The following PUDP variants were observed in gnomAD, a reference collection of about 807,000 sequenced individuals.
PUDP encodes the protein pseudouridine 5'-phosphatase.
In PUDP, 8 loss-of-function variants were observed where a neutral mutation model predicts 9.4. That is an observed-to-expected ratio of 0.85 (90% CI 0.50 to 1.53). PUDP has a LOEUF of 1.53. Ranked by LOEUF, PUDP falls within the 40% of genes most tolerant of loss-of-function variation. PUDP has a pLI of 0.00. For missense variants in PUDP, 188 were observed against 189.7 expected, an observed-to-expected ratio of 0.99 and a Z score of 0.05; for synonymous variants, 99 against 80.7, an observed-to-expected ratio of 1.23 and a Z score of -1.22.
intron 1 of PUDP, among the ~76,000 whole-genome samples, chrX:6,984,734 C>T (rs918849919): frequency 2.7e-5 from 3 of 111,647 alleles, no homozygotes; most frequent in Non-Finnish European, 5.6e-5. Flanking sequence ...CAGGAGAATA[C>T]TGCCTCCGAA....
intron 1 of PUDP, among the ~76,000 whole-genome samples, chrX:6,720,965 G>A (rs1924667290): frequency 9.0e-6 from 1 of 111,400 alleles, no homozygotes; most frequent in Admixed American, 9.6e-5. Context: ...TCACAAGAAC[G>A]AACTGTTTAG....
At chrX:7,019,503 G>A (rs992882884) in intron 1 of PUDP, among the ~76,000 whole-genome samples, 1 of 111,643 alleles carries the variant, frequency 9.0e-6, no homozygotes, top group Non-Finnish European at 1.9e-5. Flanking sequence ...ATCCTCCCTC[G>A]TCTTACTGTA....
chrX:6,776,135 C>G (rs1279581091), intron 3 of PUDP, among the ~76,000 whole-genome samples: 1 of 111,586 alleles, frequency 9.0e-6, no homozygotes, highest in East Asian at 2.8e-4. Flanking sequence ...CAGCACTATC[C>G]TGCAACCAAG....
At chrX:6,923,852 A>G (rs1928060570) in intron 3 of PUDP, among the ~76,000 whole-genome samples, 1 of 111,529 alleles carries the variant, frequency 9.0e-6, no homozygotes, top group Non-Finnish European at 1.9e-5. Flanking sequence ...TCTCAAGGTC[A>G]TGCACCATCT....
intron 3 of PUDP, among the ~76,000 whole-genome samples, chrX:6,915,587 C>A (rs1374887084): frequency 1.8e-5 from 2 of 111,855 alleles, no homozygotes; most frequent in African/African-American, 6.5e-5. Flanking sequence ...TGATTATATG[C>A]CATGTCCCAC....
At chrX:6,752,241 G>C (rs1473142381) in intron 3 of PUDP, among the ~76,000 whole-genome samples, 2 of 111,543 alleles carry the variant, frequency 1.8e-5, no homozygotes, top group African/African-American at 3.3e-5. Context: ...TCTTGGTCTT[G>C]ATCCATTTAA....
chrX:6,964,497 A>G (rs141958165), intron 3 of PUDP, among the ~76,000 whole-genome samples: 1,948 of 110,215 alleles, frequency 0.018, 43 homozygotes, highest in African/African-American at 0.062. Context: ...ACATAGTGAG[A>G]CTCTGTCTCT....
chrX:7,053,704 T>A (rs771770258), intron 3 of PUDP, among the ~76,000 whole-genome samples: 1 of 111,602 alleles, frequency 9.0e-6, no homozygotes, highest in East Asian at 2.8e-4. Context: ...ATCAGCAGTG[T>A]GAAAATGGAC....
rs184776183 is a variant in PUDP at position 6,728,951 on chromosome X, A to T, written c.*248-22485T>A. ...TATGACCATGATGGTTCTGAGAAGAACTGCTTAGGTATTTTTTAGAATGCC... is the reference window on the plus strand; with the variant it reads ...TATGACCATGATGGTTCTGAGAAGATCTGCTTAGGTATTTTTTAGAATGCC... On this transcript the variant is annotated intron_variant and NMD_transcript_variant, in intron 3 of 3. Transcript: ENST00000655425. Among the ~76,000 whole-genome samples the T allele has an allele frequency of 6.3e-5, 7 of 111,089 alleles. No individual in the cohort carries two copies. The East Asian group carries it at 2.0e-3, about 31-fold the overall frequency.
At chrX:7,066,152 A>G (rs1393926380) in intron 3 of PUDP, among the ~76,000 whole-genome samples, 1 of 111,930 alleles carries the variant, frequency 8.9e-6, no homozygotes, top group Non-Finnish European at 1.9e-5. Flanking sequence ...CTTGCTATCA[A>G]AAAGACTCAG....
chrX:7,042,164 T>G (rs1929931588), intron 1 of PUDP, among the ~76,000 whole-genome samples: 1 of 109,609 alleles, frequency 9.1e-6, no homozygotes, highest in Non-Finnish European at 1.9e-5. Context: ...AAGATGTATA[T>G]CTTCCTCAAG....
intron 1 of PUDP, among the ~76,000 whole-genome samples, chrX:7,043,881 T>TA (rs1466900818): frequency 2.7e-5 from 3 of 111,837 alleles, no homozygotes; most frequent in Non-Finnish European, 5.6e-5. Context: ...TGAGAGGCCT[T>TA]AAAAAATCTA....
At chrX:7,004,057 G>C (rs1283448402) in intron 1 of PUDP, among the ~76,000 whole-genome samples, 1 of 110,300 alleles carries the variant, frequency 9.1e-6, no homozygotes, top group African/African-American at 3.3e-5. Flanking sequence ...TGTATTTTTT[G>C]TAGAGATGGG....
intron 3 of PUDP, among the ~76,000 whole-genome samples, chrX:6,909,738 A>G (rs1927821513): frequency 8.9e-6 from 1 of 112,094 alleles, no homozygotes; most frequent in South Asian, 3.8e-4. Context: ...GTGGATTTTG[A>G]GAAGTGGAAA....
At chrX:6,860,340 A>G (rs1486209240) in intron 3 of PUDP, among the ~76,000 whole-genome samples, 1 of 110,240 alleles carries the variant, frequency 9.1e-6, no homozygotes, top group African/African-American at 3.3e-5. Context: ...GGGTGTCACT[A>G]TGTTTCCCAG....
At chrX:6,840,708 C>T (rs1252727093) in intron 3 of PUDP, among the ~76,000 whole-genome samples, 5 of 110,053 alleles carry the variant, frequency 4.5e-5, no homozygotes, top group Non-Finnish European at 9.5e-5. Flanking sequence ...ACCCATAGAA[C>T]GTACAACATC....
chrX:7,131,172 C>T (rs1164468077), intron 1 of PUDP, among the ~76,000 whole-genome samples: 1 of 111,662 alleles, frequency 9.0e-6, no homozygotes, highest in African/African-American at 3.3e-5. Flanking sequence ...GACTTCAGGA[C>T]AAGTCACTGC....
chrX:7,052,896 C>G (rs1930140935), intron 3 of PUDP, among the ~76,000 whole-genome samples: 1 of 111,787 alleles, frequency 8.9e-6, no homozygotes, highest in Admixed American at 9.5e-5. Context: ...ACACTGGTCA[C>G]CGTAGGACGC....
At chrX:6,996,664 A>ATT (rs201207141) in intron 1 of PUDP, among the ~76,000 whole-genome samples, 4 of 96,066 alleles carry the variant, frequency 4.2e-5, no homozygotes, top group Non-Finnish European at 6.2e-5. Flanking sequence ...ATATATATAC[A>ATT]TTTTTTTTTT....
Sources: allele counts gnomAD v4.1 joint callset (sites outside exome capture counted in the v4.1 genomes callset), GRCh38; gene constraint gnomAD v4.1.1; transcripts MANE v1.5; gene names NCBI Gene and HGNC (gene_info 2026-07-23, HGNC 2026-07-21).